RSRP1: variants seen among roughly 807,000 people sequenced by gnomAD.
RSRP1 encodes the protein arginine and serine rich protein 1.
Under a neutral mutation model 33.0 loss-of-function variants are expected in RSRP1, and 37 were observed. The observed-to-expected ratio is 1.12, with a 90% CI of 0.86 to 1.48. The LOEUF is 1.48. Among genes scored for constraint, RSRP1 ranks in the 40% most tolerant of loss-of-function variants. The pLI, the probability that RSRP1 is intolerant of heterozygous loss-of-function variation, is 0.00. For missense variants in RSRP1, 402 were observed against 385.3 expected (o/e 1.04, Z -0.36); for synonymous variants, 167 against 158.7 (o/e 1.05, Z -0.40).
At chr1:25,305,164 G>T (rs28703207) in intron 1 of RSRP1, among the ~76,000 whole-genome samples, 119,770 of 129,202 alleles carry the variant, frequency 0.93, 57,330 homozygotes, top group Non-Finnish European at 1. Flanking sequence ...TGTTGACAGA[G>T]AAGTAGTATT....
At chr1:25,323,535 T>C (rs999540991) in intron 1 of RSRP1, among the ~76,000 whole-genome samples, 1 of 127,508 alleles carries the variant, frequency 7.8e-6, no homozygotes, top group African/African-American at 2.7e-5. Flanking sequence ...CATGGCTCAC[T>C]GTAGCCTCAA....
chr1:25,310,686 A>G (rs1644093143), intron 1 of RSRP1, among the ~76,000 whole-genome samples: 1 of 132,922 alleles, frequency 7.5e-6, no homozygotes, highest in African/African-American at 2.5e-5. Context: ...AGAATGGAGC[A>G]TTATGCCAGG....
intron 1 of RSRP1, among the ~76,000 whole-genome samples, chr1:25,321,358 A>T (rs1644688234): frequency 7.9e-6 from 1 of 126,340 alleles, no homozygotes. Context: ...TCAAAAAAAA[A>T]AAAAAAATGT....
Position 25,308,487 on chromosome 1 carries a change from T to G in RSRP1, c.-67+29491A>C, listed in dbSNP as rs2518076. Among the ~76,000 whole-genome samples, 375 of 131,626 alleles carry G rather than the reference T, an allele frequency of 2.8e-3. 51 individuals are homozygous for G. Among genetic ancestry groups the G allele is most frequent in the African/African-American group, 9.0e-3 (345 of 38,148 alleles). 86.4% of individuals were successfully genotyped at this position (131,626 alleles called of 152,430 possible). A position where few individuals can be genotyped will look rare whatever the true frequency, so the allele number is the denominator to read the frequency against. On this transcript the variant is annotated intron_variant, in intron 1 of 1. Transcript: ENST00000561867. ...AAAAGAAAAAGCCAATCAGTGGTTT[T>G]CTGGTAAAGGATTAACTTAACAAAC...
intron 1 of RSRP1, among the ~76,000 whole-genome samples, chr1:25,272,072 T>C (rs532834045): frequency 1.6e-5 from 2 of 127,502 alleles, no homozygotes; most frequent in East Asian, 3.9e-4. Context: ...TTCAATACAT[T>C]GTTGTTAAGA....
At chr1:25,258,211 C>T (rs558078158) in intron 1 of RSRP1, among the ~76,000 whole-genome samples, 1 of 152,258 alleles carries the variant, frequency 6.6e-6, no homozygotes, top group South Asian at 2.1e-4. Flanking sequence ...GACAGAGTCT[C>T]GATCTGTTGC....
chr1:25,309,979 A>T lies in RSRP1; in HGVS notation c.-67+27999T>A, dbSNP rs1359583666. 7.6e-5 allele frequency among the ~76,000 whole-genome samples: 10 copies of T among 132,388 alleles called. 1 individual carries two copies. The highest frequency in any genetic ancestry group is 3.7e-3 in the Middle Eastern group (1 of 268). The allele number at this position is 132,388 out of a possible 152,430, so 86.9% of individuals were successfully genotyped here. A position where few individuals can be genotyped will look rare whatever the true frequency, so the allele number is the denominator to read the frequency against. On this transcript the variant is annotated intron_variant, in intron 1 of 1. Coordinates refer to the RSRP1 transcript ENST00000561867. ...TCCTCTATTCTGCCACTTATTACTTAAAAAAACCCCAAAAAACCCAACTTA... is the reference window on the plus strand; with the variant it reads ...TCCTCTATTCTGCCACTTATTACTTTAAAAAACCCCAAAAAACCCAACTTA...
At chr1:25,316,955 T>G (rs1295186499) in intron 1 of RSRP1, 1 of 133,712 alleles carries the variant, frequency 7.5e-6, no homozygotes, top group East Asian at 1.2e-4. Context: ...TGATGACCTC[T>G]GCTGCCTGAT....
In RSRP1 at chr1:25,314,886, A is replaced by G. The variant is rs1430015380; in HGVS notation, c.-67+23092T>C. On this transcript the variant is annotated intron_variant, in intron 1 of 1. Transcript: ENST00000561867. ...AGCCCAATTTATCATTGTTCCCTTT[A>G]TGTTTAGTTCTTTTATGTCCTTTTT... Among the ~76,000 whole-genome samples the G allele has an allele frequency of 1.5e-5, 2 of 130,046 alleles. 1 individual carries two copies. The highest frequency in any genetic ancestry group is 3.6e-5 in the Non-Finnish European group (2 of 55,058). The allele number at this position is 130,046 out of a possible 152,430, so 85.3% of individuals were successfully genotyped here. A position where few individuals can be genotyped will look rare whatever the true frequency, so the allele number is the denominator to read the frequency against.
intron 1 of RSRP1, among the ~76,000 whole-genome samples, chr1:25,314,166 A>C (rs533663682): frequency 7.5e-6 from 1 of 132,594 alleles, no homozygotes; most frequent in Admixed American, 7.3e-5. Flanking sequence ...CTGCTAAACA[A>C]TTTTCTCTAG....
In RSRP1 at chr1:25,313,326, T is replaced by A. The variant is rs1234532652; in HGVS notation, c.-67+24652A>T. On this transcript the variant is annotated intron_variant, in intron 1 of 1. Coordinates refer to the RSRP1 transcript ENST00000561867. The stretch of plus-strand genomic sequence containing the variant: ...AGCCTCCAGAACCATGAGCTATATA[T>A]ACTTATTTTACAAATTACCCATTCT... Among the ~76,000 whole-genome samples, 23 of 132,400 alleles carry A rather than the reference T, an allele frequency of 1.7e-4. 4 individuals carry two copies. Among genetic ancestry groups the A allele is most frequent in the Non-Finnish European group, 3.4e-4 (19 of 55,826 alleles). 86.9% of individuals were successfully genotyped at this position (132,400 alleles called of 152,430 possible).
rs553649571 is a variant in RSRP1, at chr1:25,336,739, A to T, written c.-67+1239T>A. Among the ~76,000 whole-genome samples the T allele has an allele frequency of 3.6e-4, 54 of 151,200 alleles. No individual in the cohort carries two copies. In the South Asian group the frequency reaches 5.8e-3, roughly 16 times the overall value. On this transcript the variant is annotated intron_variant, in intron 1 of 1. Transcript: ENST00000561867. The stretch of plus-strand genomic sequence containing the variant: ...AATGTTAAGTCACTAACGGGAATTT[A>T]AAAGGTTTCATTAAGAACTGCCTGC...
At chr1:25,275,539 G>A (rs1640890536) in intron 1 of RSRP1, among the ~76,000 whole-genome samples, 1 of 131,626 alleles carries the variant, frequency 7.6e-6, no homozygotes, top group South Asian at 2.3e-4. Flanking sequence ...CATTCTGATG[G>A]TGTACACACG....
At chr1:25,284,641 A>G (rs1359849420) in intron 1 of RSRP1, 1 of 1,388,818 alleles carries the variant, frequency 7.2e-7, no homozygotes, top group Non-Finnish European at 1.0e-6. Flanking sequence ...CCGGAGACAC[A>G]GCTGGAGCAG....
rs376931864 is a variant in RSRP1, at chr1:25,321,041, C to T, written c.-67+16937G>A. ...CCTGGATAACAGAATGAGACTCTGT[C>T]CCAAAAATAAAAAATAAAATCAAAG... On this transcript the variant is annotated intron_variant, in intron 1 of 1. Transcript: ENST00000561867. 4.6e-5 allele frequency among the ~76,000 whole-genome samples: 6 copies of T among 130,014 alleles called. 2 individuals are homozygous for T. The highest frequency in any genetic ancestry group is 1.1e-4 in the Non-Finnish European group (6 of 54,920). The allele number at this position is 130,014 out of a possible 152,430, so 85.3% of individuals were successfully genotyped here. A position where few individuals can be genotyped will look rare whatever the true frequency, so the allele number is the denominator to read the frequency against.
chr1:25,252,138 A>G (rs998910083), upstream of RSRP1, among the ~76,000 whole-genome samples: 15 of 151,742 alleles, frequency 9.9e-5, no homozygotes, highest in Non-Finnish European at 1.5e-4. Flanking sequence ...ATCTCGGTTC[A>G]CTGCAACCTC....
In RSRP1 at chr1:25,272,417, C is replaced by A; in HGVS notation, c.-66-25388G>T. 2 of 1,257,082 alleles carry A rather than the reference C, an allele frequency of 1.6e-6. 1 individual carries two copies. Among genetic ancestry groups the A allele is most frequent in the Non-Finnish European group, 2.2e-6 (2 of 896,724 alleles). The allele number at this position is 1,257,082 out of a possible 1,614,324, so 77.9% of individuals were successfully genotyped here. On this transcript the variant is annotated intron_variant, in intron 1 of 1. Transcript: ENST00000561867. ...TAACTCCATAGAGAGGCCAGCACAA[C>A]CAGCCTTGCAGCCTGAGATAAGGCC... is the stretch of plus-strand genomic sequence containing the variant.
Position 25,283,909 on chromosome 1 carries a change from T to C in RSRP1, c.-66-36880A>G, listed in dbSNP as rs1237779731. On this transcript the variant is annotated intron_variant, in intron 1 of 1. Transcript: ENST00000561867. ...TGCTGGGCCCCTCCCTGCCCTCAGG[T>C]GCGTCTCTTCCACTCACCTGCCACA... Among the ~76,000 whole-genome samples, 4 of 133,938 alleles carry C rather than the reference T, an allele frequency of 3.0e-5. 2 individuals are homozygous for C. The highest frequency in any genetic ancestry group is 7.0e-5 in the Non-Finnish European group (4 of 57,000). The allele number at this position is 133,938 out of a possible 152,430, so 87.9% of individuals were successfully genotyped here.
Position 25,245,019 on chromosome 1 carries a change from G to C in RSRP1, c.672+131C>G, listed in dbSNP as rs563571242. On this transcript the variant is annotated intron_variant, in intron 3 of 4. Transcript: ENST00000243189. ...TTTGACATTGCCTATCTTCAGATTTGCTACTTTGAATTTAGCACATTATAT... is the reference window on the plus strand; with the variant it reads ...TTTGACATTGCCTATCTTCAGATTTCCTACTTTGAATTTAGCACATTATAT... 1.1e-5 allele frequency: 17 copies of C among 1,569,578 alleles called. No individual in the cohort carries two copies. In the East Asian group the frequency reaches 3.4e-4, roughly 31 times the overall value.
Sources: allele counts gnomAD v4.1 joint callset (sites outside exome capture counted in the v4.1 genomes callset), GRCh38; gene constraint gnomAD v4.1.1; transcripts MANE v1.5; gene names NCBI Gene and HGNC (gene_info 2026-07-23, HGNC 2026-07-21).